The following GRIN2A variants were observed in gnomAD, a reference collection of about 807,000 sequenced individuals.
The protein encoded by GRIN2A is glutamate receptor ionotropic, NMDA 2A.
A neutral mutation model predicts 113.4 loss-of-function variants in GRIN2A; 22 were observed. The ratio of observed to expected loss-of-function variants is 0.19; its 90% CI spans 0.14 to 0.28. The LOEUF is 0.28. Among genes scored for constraint, GRIN2A ranks in the 10% least tolerant of loss-of-function variants. The pLI is 1.00. For missense variants in GRIN2A, 1,502 were observed against 1,887.0 expected (o/e 0.80, Z 3.78); for synonymous variants, 827 against 738.4 (o/e 1.12, Z -1.94).
At chr16:9,928,989 C>G (rs908685960) in intron 3 of GRIN2A, among the ~76,000 whole-genome samples, 2 of 152,218 alleles carry the variant, frequency 1.3e-5, no homozygotes, top group African/African-American at 4.8e-5. Context: ...GCCCACCAGG[C>G]ATCAAAACAA....
In GRIN2A at chr16:9,798,482, CA is replaced by C. The variant is rs751511720; in HGVS notation, c.2169-19del. The C allele has an allele frequency of 2.5e-6, 4 of 1,612,718 alleles. No individual in the cohort carries two copies. The South Asian group carries it at 4.4e-5, about 18-fold the overall frequency. ...CCAGCTTCCTGAAATGACAAGAAACCAGGGGGTCATAGGGGTGGCCAGGTAC... is the reference window on the plus strand; with the variant it reads ...CCAGCTTCCTGAAATGACAAGAAACCGGGGGTCATAGGGGTGGCCAGGTAC... On this transcript the variant is annotated intron_variant, in intron 10 of 12. Transcript: ENST00000330684.
chr16:10,046,553 C>A (rs924237274), intron 2 of GRIN2A, among the ~76,000 whole-genome samples: 1 of 152,112 alleles, frequency 6.6e-6, no homozygotes, highest in Non-Finnish European at 1.5e-5. Context: ...TATTAGTAGT[C>A]AAAACATCAC....
chr16:9,804,071 C>G (rs2041918145), intron 10 of GRIN2A, among the ~76,000 whole-genome samples: 1 of 152,166 alleles, frequency 6.6e-6, no homozygotes, highest in South Asian at 2.1e-4. Context: ...ACTCTTGCCC[C>G]TAACATAGTC....
At chr16:10,105,424 G>A (rs1046352522) in intron 2 of GRIN2A, among the ~76,000 whole-genome samples, 3 of 151,934 alleles carry the variant, frequency 2.0e-5, no homozygotes, top group Non-Finnish European at 4.4e-5. Context: ...GGTCTCCTGG[G>A]CAGTAGAATC....
At chr16:9,795,044 T>TGATGAC (rs1161707672) in intron 11 of GRIN2A, among the ~76,000 whole-genome samples, 5 of 151,758 alleles carry the variant, frequency 3.3e-5, no homozygotes, top group African/African-American at 9.7e-5. Flanking sequence ...GTGATGGTGG[T>TGATGAC]GGTGATGATA....
intron 2 of GRIN2A, among the ~76,000 whole-genome samples, chr16:10,125,379 C>A (rs2048912848): frequency 6.6e-6 from 1 of 152,106 alleles, no homozygotes; most frequent in Non-Finnish European, 1.5e-5. Context: ...CTGGACAGAA[C>A]AACCCCAAGT....
chr16:10,121,479 A>AC (rs1350382610), intron 2 of GRIN2A: 4 of 41,030 alleles, frequency 9.7e-5, no homozygotes, highest in Non-Finnish European at 2.4e-4. Context: ...TGTCAGGCAG[A>AC]GCCCCGGGAG....
chr16:9,843,859 TTGGGCTAGAGTTAAAAC>T (rs371805643), intron 5 of GRIN2A, among the ~76,000 whole-genome samples: 27 of 151,918 alleles, frequency 1.8e-4, no homozygotes, highest in African/African-American at 5.3e-4. Flanking sequence ...ATGGAGGGGG[TTGGGCTAGAGTTAAAAC>T]TGCCACAAAT....
intron 2 of GRIN2A, among the ~76,000 whole-genome samples, chr16:9,990,739 G>C (rs2046095372): frequency 6.6e-6 from 1 of 151,992 alleles, no homozygotes; most frequent in South Asian, 2.1e-4. Flanking sequence ...GAGTTTGTAA[G>C]GTAGGTTTTG....
chr16:10,115,513 C>T (rs74006747), intron 2 of GRIN2A, among the ~76,000 whole-genome samples: 5,672 of 152,286 alleles, frequency 0.037, 242 homozygotes, highest in African/African-American at 0.1. Context: ...CTGGGGCCTG[C>T]GCCCCCCCAT....
In GRIN2A at chr16:9,938,449, C is replaced by A. The variant is rs908347608; in HGVS notation, c.517G>T (p.Val173Leu). The change falls in exon 3 of 13, where the codon GTG (valine) becomes TTG (leucine). Residue 173 changes from valine to leucine, a missense_variant. By Grantham distance (32) the Val-to-Leu change is conservative. Transcript: ENST00000330684. ...CTGTAGCCAGGGAAGATAGTGGTCA[C>A]CAGGGAGAAGACATGCCAGTCATAA... ...QDYDWHVFSL[V>L]TTIFPGYREF... 1.2e-6 allele frequency: 2 copies of A among 1,613,744 alleles called. No individual in the cohort carries two copies. Among genetic ancestry groups the A allele is most frequent in the African/African-American group, 2.7e-5 (2 of 74,898 alleles).
At chr16:10,179,893 C>CCCAAAAAAAAAAAAAAAAATA in intron 2 of GRIN2A, 105 bp downstream of exon 2, 1 of 719,818 alleles carries the variant, frequency 1.4e-6, no homozygotes, top group Non-Finnish European at 2.4e-6. Flanking sequence ...CCCCCACCCC[C>CCCAAAAAAAAAAAAAAAAATA]ACTTCACATC....
intron 4 of GRIN2A, among the ~76,000 whole-genome samples, chr16:9,872,826 T>C (rs1282152111): frequency 1.3e-5 from 2 of 152,028 alleles, no homozygotes; most frequent in Non-Finnish European, 2.9e-5. Flanking sequence ...GCTCAGGAGT[T>C]TGAGACTAGC....
chr16:9,884,247 T>G (rs2043545488), intron 4 of GRIN2A, among the ~76,000 whole-genome samples: 1 of 152,220 alleles, frequency 6.6e-6, no homozygotes. Context: ...ACATATATTT[T>G]CATTTTAAAG....
intron 11 of GRIN2A, among the ~76,000 whole-genome samples, chr16:9,769,580 A>C (rs1901139111): frequency 6.6e-6 from 1 of 151,878 alleles, no homozygotes; most frequent in Admixed American, 6.6e-5. Context: ...GACAATAGAA[A>C]GACTTCATTG....
At chr16:10,144,777 C>T (rs1178703519) in intron 2 of GRIN2A, among the ~76,000 whole-genome samples, 1 of 151,824 alleles carries the variant, frequency 6.6e-6, no homozygotes, top group East Asian at 1.9e-4. Flanking sequence ...AAAAATGAGC[C>T]AGGTGTGGTG....
intron 2 of GRIN2A, among the ~76,000 whole-genome samples, chr16:10,172,212 T>A (rs1312496609): frequency 6.6e-6 from 1 of 152,216 alleles, no homozygotes; most frequent in Non-Finnish European, 1.5e-5. Context: ...CACACAGGTA[T>A]TTTTGAAAAT....
intron 2 of GRIN2A, 68 bp from the exon 3 acceptor site, chr16:9,938,619 G>T: frequency 9.3e-7 from 1 of 1,073,172 alleles, no homozygotes; most frequent in Non-Finnish European, 1.4e-6. Flanking sequence ...CACAAACTGC[G>T]TCCTAGAAGT....
chr16:9,808,784 A>G (rs1364391008), intron 10 of GRIN2A, among the ~76,000 whole-genome samples: 1 of 152,188 alleles, frequency 6.6e-6, no homozygotes, highest in African/African-American at 2.4e-5. Flanking sequence ...GCTTCAAGAA[A>G]ATATAAATAC....
Sources: allele counts gnomAD v4.1 joint callset (sites outside exome capture counted in the v4.1 genomes callset), GRCh38; gene constraint gnomAD v4.1.1; transcripts MANE v1.5; gene names NCBI Gene and HGNC (gene_info 2026-07-23, HGNC 2026-07-21).